The following IGF2BP3 variants were observed in gnomAD, a reference collection of about 807,000 sequenced individuals.
The protein encoded by IGF2BP3 is insulin-like growth factor 2 mRNA-binding protein 3.
IGF2BP3 carries 9 observed loss-of-function variants against 73.8 expected under a neutral mutation model. That is an observed-to-expected ratio of 0.12 (90% CI 0.07 to 0.21). The LOEUF (loss-of-function observed/expected upper bound fraction) is 0.21, where lower values mean the gene tolerates loss of function less well. IGF2BP3 is among the 10% of genes least tolerant of loss of function. The probability of loss-of-function intolerance (pLI) is 1.00; values close to 1 mark genes in which losing one functional copy is unlikely to be tolerated. For missense variants in IGF2BP3, 542 were observed against 714.0 expected (o/e 0.76, Z 2.75); for synonymous variants, 258 against 256.7 (o/e 1.01, Z -0.05).
intron 2 of IGF2BP3, among the ~76,000 whole-genome samples, chr7:23,452,658 C>T (rs1361259127): frequency 6.6e-6 from 1 of 151,036 alleles, no homozygotes; most frequent in East Asian, 2.0e-4. Flanking sequence ...AAAAAATTAG[C>T]TGGGCAAGTG....
At chr7:23,318,564 T>C (rs1050226647) in intron 11 of IGF2BP3, among the ~76,000 whole-genome samples, 4 of 152,106 alleles carry the variant, frequency 2.6e-5, no homozygotes, top group African/African-American at 9.7e-5. Context: ...AAATACAGAA[T>C]CTTCAGAACA....
chr7:23,465,316 A>C (rs865798975), intron 2 of IGF2BP3, among the ~76,000 whole-genome samples: 16 of 152,358 alleles, frequency 1.1e-4, no homozygotes, highest in South Asian at 6.2e-4. Flanking sequence ...AGAGAGTGCA[A>C]CACTATCACA....
At chr7:23,463,646 C>G (rs1338198238) in intron 2 of IGF2BP3, among the ~76,000 whole-genome samples, 1 of 152,192 alleles carries the variant, frequency 6.6e-6, no homozygotes, top group East Asian at 1.9e-4. Flanking sequence ...AAGCCAGAAA[C>G]AGAAGCCAAG....
intron 3 of IGF2BP3, among the ~76,000 whole-genome samples, chr7:23,406,576 T>C (rs1422972389): frequency 1.3e-5 from 2 of 152,130 alleles, no homozygotes; most frequent in Admixed American, 6.5e-5. Context: ...TTACAGCTCT[T>C]AAAGGTAGTG....
intron 2 of IGF2BP3, among the ~76,000 whole-genome samples, chr7:23,438,624 T>A (rs1271676985): frequency 6.6e-6 from 1 of 152,132 alleles, no homozygotes; most frequent in African/African-American, 2.4e-5. Flanking sequence ...TTTTAAAAAA[T>A]TTTTTAATTC....
intron 2 of IGF2BP3, among the ~76,000 whole-genome samples, chr7:23,438,880 T>G (rs1372829033): frequency 1.3e-5 from 2 of 152,136 alleles, no homozygotes; most frequent in African/African-American, 4.8e-5. Flanking sequence ...CTAAAAAAAA[T>G]TTAACGATTC....
intron 1 of IGF2BP3, among the ~76,000 whole-genome samples, chr7:23,468,801 C>T (rs1437078508): frequency 6.6e-6 from 1 of 152,186 alleles, no homozygotes; most frequent in Non-Finnish European, 1.5e-5. Context: ...CCTCCCCCAC[C>T]CACCCCTGGG....
intron 3 of IGF2BP3, among the ~76,000 whole-genome samples, chr7:23,393,526 C>T (rs1583983655): frequency 6.6e-6 from 1 of 152,134 alleles, no homozygotes; most frequent in Non-Finnish European, 1.5e-5. Flanking sequence ...GCTCGGAAAC[C>T]GTGCCCCCAA....
chr7:23,381,731 G>A (rs1785915963), intron 3 of IGF2BP3, among the ~76,000 whole-genome samples: 1 of 151,976 alleles, frequency 6.6e-6, no homozygotes, highest in Non-Finnish European at 1.5e-5. Flanking sequence ...ACCACGCCCA[G>A]CTAATTTTTG....
chr7:23,397,782 T>C (rs555485530), intron 3 of IGF2BP3, among the ~76,000 whole-genome samples: 7 of 152,306 alleles, frequency 4.6e-5, no homozygotes, highest in South Asian at 2.1e-4. Context: ...TGGTGGTAAA[T>C]TGAATAATGG....
Position 23,407,407 on chromosome 7 carries a change from G to A in IGF2BP3, c.285+11369C>T, listed in dbSNP as rs149590913. Among the ~76,000 whole-genome samples, 240 of 151,422 alleles carry A rather than the reference G, an allele frequency of 1.6e-3. 1 individual carries two copies. Among genetic ancestry groups the A allele is most frequent in the African/African-American group, 5.6e-3 (232 of 41,328 alleles). On this transcript the variant is annotated intron_variant, in intron 3 of 14. Transcript: ENST00000258729. ...ATGGATCACCTCAGGTTGGGAGTTCGAGACCAGCCTGACTAACATGGAGAA... is the reference window on the plus strand; with the variant it reads ...ATGGATCACCTCAGGTTGGGAGTTCAAGACCAGCCTGACTAACATGGAGAA...
chr7:23,393,527 G>T (rs11981126), intron 3 of IGF2BP3, among the ~76,000 whole-genome samples: 70 of 152,138 alleles, frequency 4.6e-4, no homozygotes, highest in African/African-American at 1.7e-3. Context: ...CTCGGAAACC[G>T]TGCCCCCAAA....
intron 6 of IGF2BP3, 101 bp downstream of exon 6, chr7:23,351,204 T>G (rs1393234213): frequency 4.6e-6 from 6 of 1,303,560 alleles, no homozygotes; most frequent in African/African-American, 2.9e-5. Flanking sequence ...GGAGTCCTCA[T>G]GGCTGTGTTC....
intron 5 of IGF2BP3, among the ~76,000 whole-genome samples, chr7:23,355,185 T>C (rs1049374829): frequency 1.3e-5 from 2 of 152,068 alleles, no homozygotes; most frequent in South Asian, 2.1e-4. Context: ...TTATCCAACA[T>C]GTATATTACT....
intron 3 of IGF2BP3, among the ~76,000 whole-genome samples, chr7:23,386,259 G>T (rs1032825576): frequency 6.6e-6 from 1 of 152,262 alleles, no homozygotes; most frequent in East Asian, 1.9e-4. Context: ...AGCCCTTTGG[G>T]AGGCCAAGGC....
intron 3 of IGF2BP3, among the ~76,000 whole-genome samples, chr7:23,405,619 G>A (rs759446310): frequency 2.8e-4 from 42 of 152,338 alleles, no homozygotes; most frequent in Middle Eastern, 3.4e-3. Flanking sequence ...AGCAATGGCA[G>A]CGTTAGATTC....
chr7:23,366,144 T>C (rs1785364971), intron 3 of IGF2BP3, among the ~76,000 whole-genome samples: 2 of 137,604 alleles, frequency 1.5e-5, no homozygotes, highest in Non-Finnish European at 1.5e-5. Flanking sequence ...CGTGTAAATC[T>C]TTTTTTTTTT....
chr7:23,332,166 T>A (rs923732747), intron 10 of IGF2BP3, among the ~76,000 whole-genome samples: 1 of 152,274 alleles, frequency 6.6e-6, no homozygotes, highest in African/African-American at 2.4e-5. Flanking sequence ...CCAAACCATA[T>A]CAACTAGTTT....
At chr7:23,427,154 G>A (rs943564969) in intron 2 of IGF2BP3, among the ~76,000 whole-genome samples, 3 of 152,108 alleles carry the variant, frequency 2.0e-5, no homozygotes, top group African/African-American at 7.2e-5. Flanking sequence ...TTTCTCCAAA[G>A]TCTCTAGAGT....
Sources: allele counts gnomAD v4.1 joint callset (sites outside exome capture counted in the v4.1 genomes callset), GRCh38; gene constraint gnomAD v4.1.1; transcripts MANE v1.5; gene names NCBI Gene and HGNC (gene_info 2026-07-23, HGNC 2026-07-21).